The following RPS6KC1 variants were observed in gnomAD, a reference collection of about 807,000 sequenced individuals.
RPS6KC1 encodes inactive ribosomal protein S6 kinase delta-1.
A neutral mutation model predicts 103.8 loss-of-function variants in RPS6KC1; 54 were observed. That is an observed-to-expected ratio of 0.52 (90% CI 0.42 to 0.65). The LOEUF (loss-of-function observed/expected upper bound fraction) is 0.65. RPS6KC1 is among the 30% of genes least tolerant of loss of function. The pLI is 0.00. For synonymous variants in RPS6KC1, 439 were observed against 438.7 expected, an observed-to-expected ratio of 1.00 and a Z score of -0.01; for missense variants, 1,151 against 1,253.8, an observed-to-expected ratio of 0.92 and a Z score of 1.24.
At chr1:213,250,063 C>T (rs769240791) in intron 12 of RPS6KC1, among the ~76,000 whole-genome samples, 1 of 152,178 alleles carries the variant, frequency 6.6e-6, no homozygotes, top group Non-Finnish European at 1.5e-5. Flanking sequence ...CACTCACGTC[C>T]AGTTCCCCAC....
the RPS6KC1 span, among the ~76,000 whole-genome samples, chr1:213,361,835 C>T: frequency 5.3e-5 from 8 of 152,218 alleles, no homozygotes; most frequent in Non-Finnish European, 7.4e-5. Flanking sequence ...GGCGTCTTTG[C>T]GGCTGTTCTG....
chr1:213,175,684 AT>A (rs1373371038), intron 7 of RPS6KC1, among the ~76,000 whole-genome samples: 5 of 151,714 alleles, frequency 3.3e-5, no homozygotes, highest in Non-Finnish European at 7.4e-5. Context: ...ATGTTCACTG[AT>A]TTTTTAAATC....
At chr1:213,052,068 AG>A (rs970916003) in intron 1 of RPS6KC1, among the ~76,000 whole-genome samples, 4 of 152,104 alleles carry the variant, frequency 2.6e-5, no homozygotes, top group Non-Finnish European at 5.9e-5. Context: ...AAATCTGCTG[AG>A]GGTGGCTTGT....
chr1:213,213,483 G>C (rs2093572300), intron 8 of RPS6KC1, among the ~76,000 whole-genome samples: 1 of 152,220 alleles, frequency 6.6e-6, no homozygotes, highest in African/African-American at 2.4e-5. Flanking sequence ...TTGGAGTCAG[G>C]TAGTATCAGT....
intron 8 of RPS6KC1, among the ~76,000 whole-genome samples, chr1:213,197,621 G>A (rs2148535782): frequency 6.6e-6 from 1 of 152,100 alleles, no homozygotes. Flanking sequence ...GGTCACTGTT[G>A]GTGTATAAGT....
chr1:213,504,575 G>A, the RPS6KC1 span, among the ~76,000 whole-genome samples: 2 of 152,322 alleles, frequency 1.3e-5, no homozygotes, highest in South Asian at 4.1e-4. Flanking sequence ...TAATTGCCTA[G>A]TACAGGGTGT....
the RPS6KC1 span, among the ~76,000 whole-genome samples, chr1:213,623,402 C>T: frequency 6.6e-6 from 1 of 152,078 alleles, no homozygotes; most frequent in Non-Finnish European, 1.5e-5. Flanking sequence ...TCAGAAATAC[C>T]CACTGAGCCT....
At chr1:213,583,862 A>G in the RPS6KC1 span, among the ~76,000 whole-genome samples, 33 of 151,226 alleles carry the variant, frequency 2.2e-4, no homozygotes, top group African/African-American at 7.6e-4. Context: ...AAAAGAAAAA[A>G]AAGAAAAACA....
the RPS6KC1 span, among the ~76,000 whole-genome samples, chr1:213,763,047 C>G: frequency 3.4e-4 from 51 of 152,092 alleles, no homozygotes; most frequent in Non-Finnish European, 5.4e-4. Flanking sequence ...TTAGTAGAGA[C>G]AGGATTTCAC....
the RPS6KC1 span, among the ~76,000 whole-genome samples, chr1:213,850,781 G>A: frequency 1.4e-5 from 2 of 140,480 alleles, no homozygotes; most frequent in Middle Eastern, 7.1e-3. Flanking sequence ...ATCTCCCAAT[G>A]CTTAGCTTAC....
intron 6 of RPS6KC1, among the ~76,000 whole-genome samples, chr1:213,151,348 A>T (rs1231159775): frequency 3.4e-5 from 1 of 29,094 alleles, no homozygotes. Context: ...GCGGGGGGCT[A>T]ACCCCCCCAC....
intron 10 of RPS6KC1, among the ~76,000 whole-genome samples, chr1:213,236,636 A>G (rs2148903710): frequency 6.6e-6 from 1 of 152,290 alleles, no homozygotes; most frequent in East Asian, 1.9e-4. Flanking sequence ...AGTTTCTAAG[A>G]TTAGGGATTA....
chr1:213,175,939 G>T (rs1487680678), intron 7 of RPS6KC1, among the ~76,000 whole-genome samples: 1 of 152,150 alleles, frequency 6.6e-6, no homozygotes, highest in Non-Finnish European at 1.5e-5. Context: ...TATGATGAGA[G>T]AGAATGGCTT....
the RPS6KC1 span, among the ~76,000 whole-genome samples, chr1:213,343,389 G>GTATA: frequency 1.2e-3 from 76 of 65,854 alleles, 7 homozygotes; most frequent in African/African-American, 5.1e-3. Context: ...TCAGTGTTGT[G>GTATA]TGTATATATA....
At chr1:213,203,606 T>A (rs1385043145) in intron 8 of RPS6KC1, among the ~76,000 whole-genome samples, 1 of 152,172 alleles carries the variant, frequency 6.6e-6, no homozygotes, top group Non-Finnish European at 1.5e-5. Context: ...TAAACTTTTG[T>A]CTTGAATATA....
At chr1:213,378,395 G>A in the RPS6KC1 span, among the ~76,000 whole-genome samples, 2 of 152,210 alleles carry the variant, frequency 1.3e-5, no homozygotes, top group Non-Finnish European at 1.5e-5. Flanking sequence ...GGCATGAAGT[G>A]AGTGATCAAT....
At chr1:213,564,956 G>T in the RPS6KC1 span, among the ~76,000 whole-genome samples, 2 of 152,170 alleles carry the variant, frequency 1.3e-5, no homozygotes, top group Non-Finnish European at 2.9e-5. Flanking sequence ...TCAGAAGTAT[G>T]TTGTCAGCAA....
chr1:213,302,464 C>A, the RPS6KC1 span, among the ~76,000 whole-genome samples: 1 of 151,990 alleles, frequency 6.6e-6, no homozygotes, highest in Admixed American at 6.6e-5. Flanking sequence ...TAGTTTGAGA[C>A]CAGCCTGGGC....
chr1:213,221,470 T>C (rs1452522211), intron 8 of RPS6KC1, among the ~76,000 whole-genome samples: 1 of 152,188 alleles, frequency 6.6e-6, no homozygotes, highest in African/African-American at 2.4e-5. Flanking sequence ...CACAGTGACT[T>C]TGGGTAGCAG....
Sources: gnomAD v4.1 joint callset for allele counts (sites outside exome capture counted in the v4.1 genomes callset) on GRCh38, gnomAD v4.1.1 for gene constraint, MANE v1.5 for transcripts, NCBI Gene and HGNC (gene_info 2026-07-23, HGNC 2026-07-21) for gene names.